THADA: variants seen among roughly 807,000 people sequenced by gnomAD.
THADA encodes THADA armadillo repeat containing, also known as tRNA (32-2'-O)-methyltransferase regulator THADA.
Under a neutral mutation model 219.8 loss-of-function variants are expected in THADA, and 213 were observed. That is an observed-to-expected ratio of 0.97 (90% CI 0.87 to 1.09). The LOEUF (loss-of-function observed/expected upper bound fraction) is 1.09, where lower values mean the gene tolerates loss of function less well. THADA is among the 50% of genes least tolerant of loss of function. THADA has a pLI of 0.00. For synonymous variants in THADA, 1,018 were observed against 828.9 expected (o/e 1.23, Z -3.92); for missense variants, 2,956 against 2,311.3 (o/e 1.28, Z -5.72).
chr2:43,489,792 TG>T (rs1687384270), intron 25 of THADA, among the ~76,000 whole-genome samples: 1 of 150,404 alleles, frequency 6.6e-6, no homozygotes, highest in African/African-American at 2.5e-5. Flanking sequence ...TTGGGACCTG[TG>T]GGGCCTCCAA....
At chr2:43,365,442 G>C (rs933518999) in intron 29 of THADA, among the ~76,000 whole-genome samples, 1 of 151,848 alleles carries the variant, frequency 6.6e-6, no homozygotes, top group African/African-American at 2.4e-5. Flanking sequence ...GTGGTGGCAG[G>C]CGCCTGTAGT....
intron 22 of THADA, among the ~76,000 whole-genome samples, chr2:43,509,810 T>C (rs1444021237): frequency 1.3e-5 from 2 of 152,196 alleles, no homozygotes; most frequent in Non-Finnish European, 2.9e-5. Context: ...GGCCTAAAAA[T>C]ATTATTTCAG....
intron 36 of THADA, among the ~76,000 whole-genome samples, chr2:43,267,923 G>C (rs567398315): frequency 1.3e-5 from 2 of 152,266 alleles, no homozygotes; most frequent in Non-Finnish European, 2.9e-5. Context: ...ACTTCAGAAA[G>C]TCCATTTCAA....
intron 31 of THADA, among the ~76,000 whole-genome samples, chr2:43,311,956 T>C (rs1222814718): frequency 6.6e-6 from 1 of 152,174 alleles, no homozygotes; most frequent in Non-Finnish European, 1.5e-5. Flanking sequence ...CCCAGCACTT[T>C]GGGAGGCCGA....
intron 29 of THADA, among the ~76,000 whole-genome samples, chr2:43,354,324 G>A (rs1160654459): frequency 6.6e-6 from 1 of 151,770 alleles, no homozygotes. Flanking sequence ...TTTTGATATA[G>A]GCATACGATG....
chr2:43,552,364 A>G (rs1263267103), intron 17 of THADA, 25 bp from the exon 18 acceptor site: 3 of 1,577,644 alleles, frequency 1.9e-6, no homozygotes, highest in Non-Finnish European at 2.6e-6. Context: ...CAGAAAATCA[A>G]AGTAATGTCA....
chr2:43,571,851 A>C lies in THADA; in HGVS notation c.1920T>G (p.Asp640Glu). 1 of 1,613,622 alleles carries C rather than the reference A, an allele frequency of 6.2e-7. No individual in the cohort carries two copies. ...TACTTTCACAAAGCAAGCCTAATGTATCTATCCTTACCTAAAAAACATCAA... is the reference window on the plus strand; with the variant it reads ...TACTTTCACAAAGCAAGCCTAATGTCTCTATCCTTACCTAAAAAACATCAA... ...LIHQHCQVRI[D>E]TLGLLCESNR... Residue 640 changes from aspartate (D) to glutamate (E), a missense_variant, in exon 13 of 38, where the codon GAT (aspartate) becomes GAG (glutamate). Physicochemically the swap from Asp to Glu is conservative, Grantham distance 45. Transcript: ENST00000405975.
chr2:43,545,582 T>C (rs1431221029), intron 20 of THADA, among the ~76,000 whole-genome samples: 3 of 152,254 alleles, frequency 2.0e-5, no homozygotes, highest in African/African-American at 7.2e-5. Context: ...AGATTCAAGT[T>C]CTTCCTGGTT....
intron 29 of THADA, among the ~76,000 whole-genome samples, chr2:43,360,492 T>C (rs1669382479): frequency 6.6e-6 from 1 of 152,222 alleles, no homozygotes; most frequent in Non-Finnish European, 1.5e-5. Flanking sequence ...ACCAGCCTTT[T>C]AAGTCCTAGC....
At chr2:43,404,073 G>C (rs1235283312) in intron 28 of THADA, among the ~76,000 whole-genome samples, 1 of 152,180 alleles carries the variant, frequency 6.6e-6, no homozygotes, top group Non-Finnish European at 1.5e-5. Flanking sequence ...AAGCCAACTA[G>C]TGCCTTTGCA....
At chr2:43,252,601 G>A (rs1057382367) in intron 36 of THADA, among the ~76,000 whole-genome samples, 10 of 152,014 alleles carry the variant, frequency 6.6e-5, no homozygotes, top group Non-Finnish European at 1.3e-4. Context: ...CTTTTCCACT[G>A]AAATTACCCA....
rs1699864734 is a variant in THADA at position 43,576,445 on chromosome 2, A to G, written c.1037+577T>C. Among the ~76,000 whole-genome samples, 5 of 152,146 alleles carry G rather than the reference A, an allele frequency of 3.3e-5. No individual in the cohort carries two copies. The South Asian group carries it at 1.0e-3, about 32-fold the overall frequency. On this transcript the variant is annotated intron_variant, in intron 10 of 37. Coordinates refer to ENST00000405975, the MANE Select transcript of THADA (RefSeq NM_022065.5). ...TCTCAGGTAAGCATTTACTTTTCTAAGCCTCCCTTTGCCCATTCAACAAAT... is the reference window on the plus strand; with the variant it reads ...TCTCAGGTAAGCATTTACTTTTCTAGGCCTCCCTTTGCCCATTCAACAAAT...
Position 43,321,888 on chromosome 2 carries a change from T to G in THADA, c.4344-1348A>C, listed in dbSNP as rs184691593. Among the ~76,000 whole-genome samples the G allele has an allele frequency of 1.4e-3, 208 of 152,332 alleles. 2 individuals carry two copies. Among genetic ancestry groups the G allele is most frequent in the African/African-American group, 4.5e-3 (188 of 41,574 alleles). On this transcript the variant is annotated intron_variant, in intron 30 of 37. Coordinates refer to ENST00000405975, the MANE Select transcript of THADA (RefSeq NM_022065.5). ...TTGATATTGGCACAAGTGTTCTGGCTAGTGAGTTTCCATGTGGCTTAATCC... is the reference window on the plus strand; with the variant it reads ...TTGATATTGGCACAAGTGTTCTGGCGAGTGAGTTTCCATGTGGCTTAATCC...
At position 43,270,910 on chromosome 2, in the gene THADA, G is replaced by C. The variant is rs59740407; in HGVS notation, c.5296+8855C>G. ...GGAGGAAATAATAAAGTATCTCACA[G>C]TGTTGTGAGGATCAAAGGGGATAAA... is the stretch of plus-strand genomic sequence containing the variant. On this transcript the variant is annotated intron_variant, in intron 36 of 37. Coordinates refer to ENST00000405975, the MANE Select transcript of THADA (RefSeq NM_022065.5). 6.2e-3 allele frequency among the ~76,000 whole-genome samples: 940 copies of C among 152,298 alleles called. 16 individuals carry two copies. Among genetic ancestry groups the C allele is most frequent in the African/African-American group, 0.022 (894 of 41,548 alleles).
intron 14 of THADA, among the ~76,000 whole-genome samples, chr2:43,569,536 T>C (rs1333071759): frequency 2.0e-5 from 3 of 152,180 alleles, no homozygotes; most frequent in Non-Finnish European, 1.5e-5. Context: ...GTCATTGAGA[T>C]TTTAAAAGGT....
chr2:43,330,193 T>A (rs1263055935), intron 30 of THADA, among the ~76,000 whole-genome samples: 1 of 152,220 alleles, frequency 6.6e-6, no homozygotes, highest in East Asian at 1.9e-4. Flanking sequence ...GATGTGACTC[T>A]CCTTGTGGTT....
At chr2:43,590,693 G>A (rs920071091) in intron 4 of THADA, 131 bp downstream of exon 4, 23 of 732,854 alleles carry the variant, frequency 3.1e-5, no homozygotes, top group African/African-American at 2.8e-4. Flanking sequence ...ATGAAACAGA[G>A]AACAAACCAT....
chr2:43,476,520 G>A (rs1685568010), intron 26 of THADA, among the ~76,000 whole-genome samples: 1 of 151,758 alleles, frequency 6.6e-6, no homozygotes, highest in Middle Eastern at 3.2e-3. Flanking sequence ...TTTGATTTGG[G>A]TTTACTGTTA....
chr2:43,268,619 G>A (rs1468919191), intron 36 of THADA, among the ~76,000 whole-genome samples: 1 of 152,212 alleles, frequency 6.6e-6, no homozygotes, highest in Non-Finnish European at 1.5e-5. Flanking sequence ...GGCTTCCCAG[G>A]TCTCTGATGT....
Sources: gnomAD v4.1 joint callset for allele counts (sites outside exome capture counted in the v4.1 genomes callset) on GRCh38, gnomAD v4.1.1 for gene constraint, MANE v1.5 for transcripts, NCBI Gene and HGNC (gene_info 2026-07-23, HGNC 2026-07-21) for gene names.